The following BNC2 variants were observed in gnomAD, a reference collection of about 807,000 sequenced individuals.
BNC2 encodes the protein basonuclin zinc finger protein 2, also known as zinc finger protein basonuclin-2.
In BNC2, 20 loss-of-function variants were observed where a neutral mutation model predicts 76.3. The observed-to-expected ratio is 0.26, with a 90% CI of 0.18 to 0.38. The LOEUF (loss-of-function observed/expected upper bound fraction) is 0.38, where lower values mean the gene tolerates loss of function less well. Among genes scored for constraint, BNC2 ranks in the 10% least tolerant of loss-of-function variants. The pLI is 1.00. For missense variants in BNC2, 1,382 were observed against 1,399.8 expected (o/e 0.99, Z 0.20); for synonymous variants, 582 against 514.8 (o/e 1.13, Z -1.77).
chr9:16,439,843 T>C (rs567431461), intron 5 of BNC2, among the ~76,000 whole-genome samples: 1 of 152,196 alleles, frequency 6.6e-6, no homozygotes, highest in Admixed American at 6.5e-5. Context: ...CTATGAAAAC[T>C]GTCAAACACA....
At chr9:16,570,795 G>C (rs770848913) in intron 4 of BNC2, among the ~76,000 whole-genome samples, 1 of 152,072 alleles carries the variant, frequency 6.6e-6, no homozygotes, top group Non-Finnish European at 1.5e-5. Flanking sequence ...AACTCTTTTG[G>C]GATTTAGACC....
intron 5 of BNC2, among the ~76,000 whole-genome samples, chr9:16,501,656 T>G (rs968302798): frequency 6.6e-6 from 1 of 152,176 alleles, no homozygotes; most frequent in African/African-American, 2.4e-5. Context: ...TATCCTGAGA[T>G]ACATAGAAAA....
At chr9:16,532,396 T>G (rs571642627) in intron 5 of BNC2, among the ~76,000 whole-genome samples, 1 of 152,168 alleles carries the variant, frequency 6.6e-6, no homozygotes, top group Admixed American at 6.5e-5. Context: ...TGTTTAGTAA[T>G]GTGAGCTGAA....
intron 1 of BNC2, among the ~76,000 whole-genome samples, chr9:16,845,514 G>A (rs1312521320): frequency 1.3e-5 from 2 of 151,996 alleles, no homozygotes; most frequent in South Asian, 4.1e-4. Context: ...AAGGTCAGGA[G>A]ATCGAGACCA....
chr9:16,565,629 G>A (rs553275729), intron 4 of BNC2, among the ~76,000 whole-genome samples: 2 of 152,096 alleles, frequency 1.3e-5, no homozygotes, highest in South Asian at 4.2e-4. Flanking sequence ...GCAACACGGT[G>A]AGACCCTGTC....
At chr9:16,641,839 CAT>C (rs1367861039) in intron 3 of BNC2, among the ~76,000 whole-genome samples, 1 of 152,174 alleles carries the variant, frequency 6.6e-6, no homozygotes, top group Non-Finnish European at 1.5e-5. Flanking sequence ...ATCATTCCCA[CAT>C]GAGAATTCCC....
At chr9:16,722,060 A>T (rs1824173256) in intron 3 of BNC2, among the ~76,000 whole-genome samples, 1 of 152,148 alleles carries the variant, frequency 6.6e-6, no homozygotes, top group Non-Finnish European at 1.5e-5. Context: ...TTTTTAAGTG[A>T]GTGTGTGTAA....
At chr9:16,814,806 T>A (rs1187890849) in intron 1 of BNC2, among the ~76,000 whole-genome samples, 1 of 152,170 alleles carries the variant, frequency 6.6e-6, no homozygotes, top group African/African-American at 2.4e-5. Context: ...TGATTCTACC[T>A]CTCAAAGACA....
At chr9:16,530,426 A>C (rs963954111) in intron 5 of BNC2, among the ~76,000 whole-genome samples, 4 of 152,152 alleles carry the variant, frequency 2.6e-5, no homozygotes, top group Non-Finnish European at 4.4e-5. Flanking sequence ...CTTCATGAGA[A>C]TTGCTAAGCA....
intron 3 of BNC2, among the ~76,000 whole-genome samples, chr9:16,621,889 G>T (rs966691995): frequency 7.9e-5 from 12 of 152,188 alleles, no homozygotes; most frequent in Admixed American, 5.9e-4. Context: ...CATAATTTTT[G>T]ATATACTGGG....
intron 1 of BNC2, among the ~76,000 whole-genome samples, chr9:16,862,361 C>T (rs7861781): frequency 0.98 from 148,751 of 152,306 alleles, 72,719 homozygotes; most frequent in Middle Eastern, 1. Context: ...AAGCTAATAA[C>T]AGCAAACTGC....
intron 1 of BNC2, among the ~76,000 whole-genome samples, chr9:16,834,978 C>A (rs772405150): frequency 5.9e-5 from 9 of 152,118 alleles, no homozygotes; most frequent in Non-Finnish European, 1.3e-4. Context: ...GGGATCCAGT[C>A]GGTCATGGAT....
intron 5 of BNC2, among the ~76,000 whole-genome samples, chr9:16,465,210 T>G (rs893172872): frequency 2.0e-5 from 3 of 151,982 alleles, no homozygotes; most frequent in African/African-American, 4.8e-5. Flanking sequence ...CTAAGGCAGG[T>G]GGATGATCTG....
rs142614600 is a variant in BNC2, at chr9:16,618,036, G to A, written c.331-34951C>T. Among the ~76,000 whole-genome samples the A allele has an allele frequency of 2.2e-3, 340 of 152,208 alleles. 1 individual carries two copies. Among genetic ancestry groups the A allele is most frequent in the African/African-American group, 2.9e-3 (119 of 41,530 alleles). On this transcript the variant is annotated intron_variant, in intron 3 of 6. Coordinates refer to ENST00000380672, the MANE Select transcript of BNC2 (RefSeq NM_017637.6). ...ACTCTAAAATGGAGCGCCACTTTAC[G>A]GTGACTAAAAGCAACTTTCGGGGCT...
chr9:16,849,069 C>G (rs192224084), intron 1 of BNC2, among the ~76,000 whole-genome samples: 406 of 152,244 alleles, frequency 2.7e-3, no homozygotes, highest in Non-Finnish European at 2.6e-3. Context: ...ACCAGAGGCT[C>G]AACCTGTATG....
intron 5 of BNC2, among the ~76,000 whole-genome samples, chr9:16,529,836 G>A (rs540569801): frequency 6.6e-6 from 1 of 152,044 alleles, no homozygotes; most frequent in East Asian, 1.9e-4. Flanking sequence ...CTTCAAAACT[G>A]AGGTTTTAGT....
intron 3 of BNC2, among the ~76,000 whole-genome samples, chr9:16,620,008 G>T (rs529964129): frequency 2.0e-5 from 3 of 152,174 alleles, no homozygotes; most frequent in Non-Finnish European, 4.4e-5. Flanking sequence ...ATTAAGCCAC[G>T]TATGGCCTTC....
At chr9:16,448,702 T>C (rs900516542) in intron 5 of BNC2, among the ~76,000 whole-genome samples, 3 of 152,122 alleles carry the variant, frequency 2.0e-5, no homozygotes, top group Non-Finnish European at 4.4e-5. Context: ...AACAGAAAGA[T>C]GTATTAGGAG....
chr9:16,828,181 T>G (rs1481539373), intron 1 of BNC2, among the ~76,000 whole-genome samples: 1 of 151,946 alleles, frequency 6.6e-6, no homozygotes, highest in African/African-American at 2.4e-5. Context: ...AAAAATGGAG[T>G]AGCTTAATCA....
Sources: allele counts gnomAD v4.1 joint callset (sites outside exome capture counted in the v4.1 genomes callset), GRCh38; gene constraint gnomAD v4.1.1; transcripts MANE v1.5; gene names NCBI Gene and HGNC (gene_info 2026-07-23, HGNC 2026-07-21).